Variants in TRIM49 observed in about 807,000 individuals in gnomAD.
The protein encoded by TRIM49 is tripartite motif-containing protein 49.
A neutral mutation model predicts 27.4 loss-of-function variants in TRIM49; 5 were observed. The ratio of observed to expected loss-of-function variants is 0.18; its 90% CI spans 0.10 to 0.38. The LOEUF (loss-of-function observed/expected upper bound fraction) is 0.38. TRIM49 is among the 10% of genes least tolerant of loss of function. The pLI is 1.00. For synonymous variants in TRIM49, 69 were observed against 166.0 expected, an observed-to-expected ratio of 0.42 and a Z score of 4.49; for missense variants, 188 against 487.5, an observed-to-expected ratio of 0.39 and a Z score of 5.79.
chr11:89,795,898 C>G (rs1949685021), downstream of TRIM49, among the ~76,000 whole-genome samples: 1 of 151,684 alleles, frequency 6.6e-6, no homozygotes, highest in South Asian at 2.1e-4. Flanking sequence ...AAAAAAAAAT[C>G]AAACTTTCCA....
downstream of TRIM49, among the ~76,000 whole-genome samples, chr11:89,792,695 A>G (rs1247796844): frequency 6.6e-6 from 1 of 152,144 alleles, no homozygotes; most frequent in African/African-American, 2.4e-5. Context: ...TTTGAAACCA[A>G]CGAGAACAAA....
intron 6 of TRIM49, among the ~76,000 whole-genome samples, chr11:89,800,054 G>A: frequency 6.7e-6 from 1 of 149,168 alleles, no homozygotes; most frequent in Non-Finnish European, 1.5e-5. Context: ...AAATGTGTAA[G>A]GTTCCTTAGC....
downstream of TRIM49, among the ~76,000 whole-genome samples, chr11:89,795,765 T>G (rs866088913): frequency 1.4e-5 from 2 of 145,840 alleles, no homozygotes; most frequent in South Asian, 4.6e-4. Flanking sequence ...AGGGATAGCA[T>G]TGGGAGATAT....
the TRIM49 span, chr11:89,782,099 C>G: frequency 1.3e-6 from 2 of 1,550,298 alleles, no homozygotes; most frequent in Non-Finnish European, 8.7e-7. Context: ...GGGAGTCTGT[C>G]GAGATTCCAG....
the TRIM49 span, among the ~76,000 whole-genome samples, chr11:89,790,573 G>C: frequency 6.6e-6 from 1 of 151,994 alleles, no homozygotes; most frequent in Non-Finnish European, 1.5e-5. Context: ...CGATCAGGCA[G>C]CAACATTTGC....
chr11:89,783,976 A>G, the TRIM49 span, among the ~76,000 whole-genome samples: 1 of 142,978 alleles, frequency 7.0e-6, no homozygotes, highest in Non-Finnish European at 1.5e-5. Flanking sequence ...AGGAGGGACA[A>G]GAGTATTTGG....
chr11:89,793,484 A>G (rs1949668822), downstream of TRIM49, among the ~76,000 whole-genome samples: 1 of 152,210 alleles, frequency 6.6e-6, no homozygotes, highest in South Asian at 2.1e-4. Context: ...AAAATTCTCA[A>G]TAAAATACTG....
downstream of TRIM49, among the ~76,000 whole-genome samples, chr11:89,796,461 C>G (rs1346128073): frequency 3.7e-5 from 5 of 135,026 alleles, 1 homozygote; most frequent in Admixed American, 7.1e-5. Context: ...GTCTGGAACT[C>G]CTGGCCACAA....
the TRIM49 span, among the ~76,000 whole-genome samples, chr11:89,772,522 C>T: frequency 8.0e-6 from 1 of 125,698 alleles, no homozygotes; most frequent in East Asian, 2.4e-4. Flanking sequence ...CTAATTATGG[C>T]ATTCCATAGT....
At chr11:89,785,904 C>G in the TRIM49 span, 1 of 143,136 alleles carries the variant, frequency 7.0e-6, no homozygotes, top group East Asian at 2.1e-4. Context: ...GGGCACTAGG[C>G]TTTCCCGGAC....
downstream of TRIM49, among the ~76,000 whole-genome samples, chr11:89,793,882 G>A (rs1437226384): frequency 6.6e-6 from 1 of 151,880 alleles, no homozygotes; most frequent in African/African-American, 2.4e-5. Flanking sequence ...TGGAAGTTCT[G>A]GCCAGGGCAA....
At chr11:89,787,923 G>T in the TRIM49 span, 1 of 373,594 alleles carries the variant, frequency 2.7e-6, no homozygotes, top group South Asian at 3.4e-5. Flanking sequence ...GGGACCACCG[G>T]GCCGCGTGTA....
the TRIM49 span, among the ~76,000 whole-genome samples, chr11:89,769,074 A>G: frequency 7.5e-6 from 1 of 133,786 alleles, no homozygotes; most frequent in African/African-American, 3.6e-5. Context: ...CCCAGCTACT[A>G]GGGAGGATGA....
At chr11:89,792,053 AT>A in the TRIM49 span, among the ~76,000 whole-genome samples, 1 of 150,558 alleles carries the variant, frequency 6.6e-6, no homozygotes, top group East Asian at 2.0e-4. Context: ...AGGAAGATCT[AT>A]CAAGCAAATG....
the TRIM49 span, among the ~76,000 whole-genome samples, chr11:89,778,394 T>C: frequency 6.8e-6 from 1 of 147,920 alleles, no homozygotes; most frequent in African/African-American, 2.5e-5. Flanking sequence ...TGGCTAAATG[T>C]TTTTTAACAT....
At chr11:89,795,821 C>A (rs1233127922), downstream of TRIM49, among the ~76,000 whole-genome samples, 1 of 151,400 alleles carries the variant, frequency 6.6e-6, no homozygotes, top group South Asian at 2.1e-4. Flanking sequence ...ACCAACATGG[C>A]ACATGTATAC....
At chr11:89,791,350 C>T in the TRIM49 span, among the ~76,000 whole-genome samples, 1 of 152,146 alleles carries the variant, frequency 6.6e-6, no homozygotes, top group African/African-American at 2.4e-5. Flanking sequence ...CTTCCCCAAC[C>T]TAGCAAGGCA....
rs1565445170 is a variant in TRIM49 at position 89,798,311 on chromosome 11, G to A, written c.1178C>T (p.Thr393Ile). 4 of 1,573,370 alleles carry A rather than the reference G, an allele frequency of 2.5e-6. 1 individual carries two copies. The highest frequency in any genetic ancestry group is 1.8e-5 in the Admixed American group (1 of 55,374). ...ATATTGCAGCATAAGTGGGGAGGTG[G>A]TAAAGAGACTGCATTGAATGTCATT... ...VKNDIQCSLFTTSPLMLQYIP... is the reference protein window; with the variant it reads ...VKNDIQCSLFITSPLMLQYIP... The change falls in exon 8 of 8, where the codon ACC (threonine) becomes ATC (isoleucine). Residue 393 changes from threonine (T) to isoleucine (I), a missense_variant. Thr to Ile is a moderately conservative substitution (Grantham distance 89). Coordinates refer to ENST00000329758, the MANE Select transcript of TRIM49 (RefSeq NM_020358.2).
At position 89,802,863 on chromosome 11, in the gene TRIM49, G is replaced by A. The variant is rs556849238; in HGVS notation, c.507+835C>T. Among the ~76,000 whole-genome samples, 3 of 149,528 alleles carry A rather than the reference G, an allele frequency of 2.0e-5. 1 individual carries two copies. Among genetic ancestry groups the A allele is most frequent in the East Asian group, 2.0e-4 (1 of 5,110 alleles). On this transcript the variant is annotated intron_variant, in intron 4 of 7. Coordinates refer to ENST00000329758, the MANE Select transcript of TRIM49 (RefSeq NM_020358.2). ...ACCACACTCAAATACATCATGTATT[G>A]CATATATTTGTGTATTGACAATTTG...
Sources: allele counts gnomAD v4.1 joint callset (sites outside exome capture counted in the v4.1 genomes callset), GRCh38; gene constraint gnomAD v4.1.1; transcripts MANE v1.5; gene names NCBI Gene and HGNC (gene_info 2026-07-23, HGNC 2026-07-21).